The following IKBKB-DT variants were observed in gnomAD, a reference collection of about 807,000 sequenced individuals.
The protein encoded by IKBKB-DT is IKBKB antisense RNA.
chr8:42,256,578 A>T (rs546672928), intron 3 of IKBKB-DT, among the ~76,000 whole-genome samples: 2 of 152,276 alleles, frequency 1.3e-5, no homozygotes, highest in East Asian at 3.9e-4. Context: ...ATCTCAAAAA[A>T]AATAATAATA....
chr8:42,256,265 A>C (rs1341580277), intron 3 of IKBKB-DT, among the ~76,000 whole-genome samples: 1 of 152,106 alleles, frequency 6.6e-6, no homozygotes. Context: ...AGAAGTCATA[A>C]GAATTATAAT....
chr8:42,266,498 T>A (rs1807370985), intron 1 of IKBKB-DT: 1 of 152,240 alleles, frequency 6.6e-6, no homozygotes, highest in Non-Finnish European at 1.5e-5. Flanking sequence ...GATTTCATTT[T>A]AAATTTAACA....
At chr8:42,239,614 T>TTATATATATATA (rs113469700) in intron 3 of IKBKB-DT, among the ~76,000 whole-genome samples, 221 of 19,892 alleles carry the variant, frequency 0.011, 17 homozygotes, top group African/African-American at 0.016. Context: ...AAAAGGCAAT[T>TTATATATATATA]TATATATATA....
At chr8:42,267,064 G>A (rs890275486) in intron 1 of IKBKB-DT, among the ~76,000 whole-genome samples, 2 of 148,802 alleles carry the variant, frequency 1.3e-5, no homozygotes, top group African/African-American at 5.0e-5. Flanking sequence ...ACACTGGCGC[G>A]ATCTTGGCTC....
At chr8:42,264,132 T>C (rs1002291360) in intron 2 of IKBKB-DT, among the ~76,000 whole-genome samples, 7 of 150,948 alleles carry the variant, frequency 4.6e-5, no homozygotes, top group African/African-American at 1.7e-4. Context: ...TTTTGGTATT[T>C]AAGTATACAT....
intron 3 of IKBKB-DT, among the ~76,000 whole-genome samples, chr8:42,256,744 G>A (rs1030135042): frequency 6.6e-5 from 10 of 152,076 alleles, no homozygotes; most frequent in Admixed American, 3.9e-4. Flanking sequence ...CATCAGGAAC[G>A]TGTACTTGTC....
Position 42,239,614 on chromosome 8 carries a change from TTATATA to T in IKBKB-DT, n.1530-5761_1530-5756del, listed in dbSNP as rs113469700. 1.9e-3 allele frequency among the ~76,000 whole-genome samples: 38 copies of T among 19,912 alleles called. 4 individuals are homozygous for T. The highest frequency in any genetic ancestry group is 0.01 in the East Asian group (4 of 382). The allele number at this position is 19,912 out of a possible 152,430, so 13.1% of individuals were successfully genotyped here. A position where few individuals can be genotyped will look rare whatever the true frequency, so the allele number is the denominator to read the frequency against. ...CCAACCAATTTTTGTAAAAGGCAAT[TTATATA>T]TATATATATATATATTTATTTATTT... On this transcript the variant is annotated intron_variant and non_coding_transcript_variant, in intron 3 of 3. Coordinates refer to ENST00000518213, the Ensembl canonical transcript of IKBKB-DT.
intron 3 of IKBKB-DT, among the ~76,000 whole-genome samples, chr8:42,238,174 A>G (rs1054961369): frequency 2.0e-5 from 3 of 152,076 alleles, no homozygotes; most frequent in Non-Finnish European, 4.4e-5. Flanking sequence ...GTTAGTGGAA[A>G]CCATTGTCCC....
chr8:42,246,777 A>G (rs1807069249), intron 3 of IKBKB-DT, among the ~76,000 whole-genome samples: 1 of 152,212 alleles, frequency 6.6e-6, no homozygotes, highest in Non-Finnish European at 1.5e-5. Context: ...TTATAGCAGC[A>G]GTCCCTAAAC....
chr8:42,237,519 T>C (rs575300731), intron 3 of IKBKB-DT, among the ~76,000 whole-genome samples: 2 of 152,270 alleles, frequency 1.3e-5, no homozygotes, highest in Non-Finnish European at 2.9e-5. Flanking sequence ...AAGGTGTTTC[T>C]AGGGTTCCCT....
intron 3 of IKBKB-DT, among the ~76,000 whole-genome samples, chr8:42,258,035 A>G (rs1443535575): frequency 6.6e-6 from 1 of 152,098 alleles, no homozygotes; most frequent in Non-Finnish European, 1.5e-5. Flanking sequence ...TTATTCTGAT[A>G]AGACGCAGAT....
exon 2 of IKBKB-DT, chr8:42,265,737 T>A (rs1205127656): frequency 6.6e-6 from 1 of 152,234 alleles, no homozygotes; most frequent in Non-Finnish European, 1.5e-5. Context: ...AATAAAAACG[T>A]GTGTGTAAAA....
At chr8:42,248,142 T>C (rs1807085117) in intron 3 of IKBKB-DT, among the ~76,000 whole-genome samples, 1 of 152,068 alleles carries the variant, frequency 6.6e-6, no homozygotes, top group Admixed American at 6.6e-5. Flanking sequence ...ACCAGTAAGT[T>C]TCCCGAGGCC....
intron 3 of IKBKB-DT, chr8:42,249,075 A>G (rs1807097477): frequency 6.6e-6 from 1 of 151,994 alleles, no homozygotes; most frequent in African/African-American, 2.4e-5. Flanking sequence ...ACAGAACGAG[A>G]TTTTTTTATT....
intron 3 of IKBKB-DT, among the ~76,000 whole-genome samples, chr8:42,234,947 A>G (rs1464279259): frequency 1.3e-5 from 2 of 152,104 alleles, no homozygotes; most frequent in African/African-American, 4.8e-5. Flanking sequence ...AGTTTAAATG[A>G]TAATAGTCCT....
intron 3 of IKBKB-DT, among the ~76,000 whole-genome samples, chr8:42,236,323 C>CTATGTAATTTGA (rs138481367): frequency 0.01 from 1,523 of 152,128 alleles, 19 homozygotes; most frequent in African/African-American, 0.034. Context: ...GCCATGCTTC[C>CTATGTAATTTGA]TATGTAATTT....
At chr8:42,239,614 T>TTATATATA (rs113469700) in intron 3 of IKBKB-DT, among the ~76,000 whole-genome samples, 994 of 19,920 alleles carry the variant, frequency 0.05, 144 homozygotes, top group African/African-American at 0.13. Flanking sequence ...AAAAGGCAAT[T>TTATATATA]TATATATATA....
intron 1 of IKBKB-DT, among the ~76,000 whole-genome samples, chr8:42,269,716 C>T (rs938434212): frequency 1.3e-5 from 2 of 151,984 alleles, no homozygotes; most frequent in Admixed American, 1.3e-4. Flanking sequence ...TAGCACAGCC[C>T]TGGACACCAT....
intron 3 of IKBKB-DT, among the ~76,000 whole-genome samples, chr8:42,236,841 C>T (rs1187562212): frequency 6.6e-6 from 1 of 152,130 alleles, no homozygotes; most frequent in East Asian, 1.9e-4. Flanking sequence ...AGAGCAAATA[C>T]AAAAACTAAC....
Sources: gnomAD v4.1 joint callset for allele counts (sites outside exome capture counted in the v4.1 genomes callset) on GRCh38, gnomAD v4.1.1 for gene constraint, MANE v1.5 for transcripts, NCBI Gene and HGNC (gene_info 2026-07-23, HGNC 2026-07-21) for gene names.